The following CTNND2 variants were observed in gnomAD, a reference collection of about 807,000 sequenced individuals.
CTNND2 encodes catenin delta-2.
CTNND2 carries 22 observed loss-of-function variants against 144.4 expected under a neutral mutation model. The ratio of observed to expected loss-of-function variants is 0.15; its 90% confidence interval spans 0.11 to 0.22. CTNND2 has a LOEUF of 0.22. Ranked by LOEUF, CTNND2 falls within the 10% of genes least tolerant of loss-of-function variation. The pLI, the probability that CTNND2 is intolerant of heterozygous loss-of-function variation, is 1.00. For missense variants in CTNND2, 1,353 were observed against 1,618.8 expected (o/e 0.84, Z 2.82); for synonymous variants, 751 against 695.6 (o/e 1.08, Z -1.25).
At chr5:11,812,672 G>T (rs1792402513) in intron 1 of CTNND2, among the ~76,000 whole-genome samples, 1 of 152,112 alleles carries the variant, frequency 6.6e-6, no homozygotes, top group Admixed American at 6.5e-5. Context: ...ACTTTCGTTT[G>T]ATGATTAAAG....
At chr5:11,210,586 A>C (rs1000477264) in intron 10 of CTNND2, among the ~76,000 whole-genome samples, 3 of 152,194 alleles carry the variant, frequency 2.0e-5, no homozygotes, top group African/African-American at 7.2e-5. Context: ...AAGATCTAAC[A>C]TATTTATTTG....
intron 12 of CTNND2, among the ~76,000 whole-genome samples, chr5:11,157,494 T>A (rs563116770): frequency 6.6e-6 from 1 of 152,290 alleles, no homozygotes; most frequent in South Asian, 2.1e-4. Context: ...TTTCTTCCAC[T>A]CAGTCATGAG....
intron 3 of CTNND2, among the ~76,000 whole-genome samples, chr5:11,514,243 T>C (rs548654380): frequency 6.6e-6 from 1 of 152,164 alleles, no homozygotes; most frequent in South Asian, 2.1e-4. Context: ...ATAGTTTCAA[T>C]ATACACATAT....
chr5:11,432,125 T>TA (rs200944907), intron 3 of CTNND2, among the ~76,000 whole-genome samples: 1,644 of 149,256 alleles, frequency 0.011, 43 homozygotes, highest in African/African-American at 0.038. Flanking sequence ...TTGAGGCTTT[T>TA]TTTTTTTTTT....
chr5:11,363,582 GGGT>G (rs1756670495), intron 8 of CTNND2, among the ~76,000 whole-genome samples: 1 of 152,104 alleles, frequency 6.6e-6, no homozygotes, highest in African/African-American at 2.4e-5. Flanking sequence ...TATTAATATT[GGGT>G]GGCATTTATG....
At chr5:11,775,285 T>A (rs1227345333) in intron 1 of CTNND2, among the ~76,000 whole-genome samples, 3 of 152,174 alleles carry the variant, frequency 2.0e-5, no homozygotes, top group Non-Finnish European at 4.4e-5. Context: ...AAATTGGACA[T>A]AAAATTCTCT....
chr5:11,070,837 C>A (rs559425158), intron 16 of CTNND2, among the ~76,000 whole-genome samples: 3 of 151,802 alleles, frequency 2.0e-5, no homozygotes, highest in African/African-American at 7.3e-5. Context: ...TTTCTTCAGG[C>A]AGAAGGGAAA....
intron 2 of CTNND2, among the ~76,000 whole-genome samples, chr5:11,649,579 T>A (rs977057803): frequency 6.6e-6 from 1 of 152,140 alleles, no homozygotes; most frequent in Non-Finnish European, 1.5e-5. Context: ...CCTCCCAAAG[T>A]GCAGAGATTA....
At chr5:11,635,555 G>T (rs1781640867) in intron 2 of CTNND2, among the ~76,000 whole-genome samples, 1 of 152,098 alleles carries the variant, frequency 6.6e-6, no homozygotes, top group Admixed American at 6.6e-5. Context: ...TCTTCAAATT[G>T]CCCCAAATTC....
chr5:11,854,344 T>A (rs1795155791), intron 1 of CTNND2, among the ~76,000 whole-genome samples: 1 of 152,198 alleles, frequency 6.6e-6, no homozygotes, highest in Non-Finnish European at 1.5e-5. Flanking sequence ...CTTATCAACA[T>A]CTAACATACA....
chr5:11,181,758 ATGTGTGTGTGTGTGTGTC>A (rs1735002067), intron 11 of CTNND2, among the ~76,000 whole-genome samples: 1 of 89,106 alleles, frequency 1.1e-5, no homozygotes, highest in South Asian at 4.0e-4. Flanking sequence ...GGATGTGTGT[ATGTGTGTGTGTGTGTGTC>A]TGTGTGTGTG....
At chr5:11,844,380 GCA>G (rs140419072) in intron 1 of CTNND2, among the ~76,000 whole-genome samples, 81 of 149,620 alleles carry the variant, frequency 5.4e-4, no homozygotes, top group Non-Finnish European at 5.0e-4. Flanking sequence ...ACACACATAT[GCA>G]CACACACACA....
chr5:11,186,938 T>C (rs183681094), intron 11 of CTNND2, among the ~76,000 whole-genome samples: 3 of 152,148 alleles, frequency 2.0e-5, no homozygotes, highest in African/African-American at 7.2e-5. Context: ...AAGGCAATGA[T>C]AGACTGGACG....
chr5:11,500,977 T>C (rs1274070113), intron 3 of CTNND2, among the ~76,000 whole-genome samples: 2 of 152,222 alleles, frequency 1.3e-5, no homozygotes, highest in African/African-American at 4.8e-5. Flanking sequence ...TCTTAATTTG[T>C]AATTAATCAA....
intron 2 of CTNND2, among the ~76,000 whole-genome samples, chr5:11,625,622 C>A (rs1395208273): frequency 6.6e-6 from 1 of 152,030 alleles, no homozygotes; most frequent in Non-Finnish European, 1.5e-5. Context: ...TGCAATTCAT[C>A]AAAATTACAA....
chr5:11,801,310 G>A (rs549301204), intron 1 of CTNND2, among the ~76,000 whole-genome samples: 18 of 152,290 alleles, frequency 1.2e-4, no homozygotes, highest in African/African-American at 4.3e-4. Context: ...GTGAGTAACA[G>A]TGATAGCTAC....
chr5:11,032,524 T>A (rs1251660098), intron 16 of CTNND2, among the ~76,000 whole-genome samples: 3 of 152,206 alleles, frequency 2.0e-5, no homozygotes, highest in Non-Finnish European at 4.4e-5. Flanking sequence ...GCATTCAAAA[T>A]GGTATTGCTT....
At chr5:11,547,655 T>C (rs769773531) in intron 3 of CTNND2, among the ~76,000 whole-genome samples, 1 of 152,144 alleles carries the variant, frequency 6.6e-6, no homozygotes, top group African/African-American at 2.4e-5. Flanking sequence ...GACAAGTGTA[T>C]AAAAAGTGCT....
rs114424797 is a variant in CTNND2 at position 11,888,356 on chromosome 5, G to A, written c.37+15461C>T. ...TTTCCCTGTGGCAGAGAGTGACTGCGTGCACCCCATTCCCCAGGGCCAACG... is the reference window on the plus strand; with the variant it reads ...TTTCCCTGTGGCAGAGAGTGACTGCATGCACCCCATTCCCCAGGGCCAACG... On this transcript the variant is annotated intron_variant, in intron 1 of 21. Coordinates refer to ENST00000304623, the MANE Select transcript of CTNND2 (RefSeq NM_001332.4). Among the ~76,000 whole-genome samples the A allele has an allele frequency of 5.1e-3, 777 of 152,232 alleles. 10 individuals are homozygous for A. Among genetic ancestry groups the A allele is most frequent in the African/African-American group, 0.016 (652 of 41,554 alleles).
Sources: gnomAD v4.1 joint callset for allele counts (sites outside exome capture counted in the v4.1 genomes callset) on GRCh38, gnomAD v4.1.1 for gene constraint, MANE v1.5 for transcripts, NCBI Gene and HGNC (gene_info 2026-07-23, HGNC 2026-07-21) for gene names.